KALRN: variants seen among roughly 807,000 people sequenced by gnomAD.
KALRN encodes the protein kalirin.
KALRN carries 70 observed loss-of-function variants against 353.7 expected under a neutral mutation model. That is an observed-to-expected ratio of 0.20 (90% confidence interval 0.16 to 0.24). The LOEUF (loss-of-function observed/expected upper bound fraction) is 0.24. Among genes scored for constraint, KALRN ranks in the 10% least tolerant of loss-of-function variants. KALRN has a pLI of 1.00. For missense variants in KALRN, 2,791 were observed against 3,756.7 expected (o/e 0.74, Z 6.72); for synonymous variants, 1,391 against 1,434.8 (o/e 0.97, Z 0.69).
intron 51 of KALRN, among the ~76,000 whole-genome samples, chr3:124,690,644 G>A (rs369024411): frequency 7.4e-4 from 113 of 152,288 alleles, no homozygotes; most frequent in Middle Eastern, 3.4e-3. Context: ...AAGAGCTCTC[G>A]GAGCCAGTCC....
chr3:124,410,357 G>A, intron 13 of KALRN: 1 of 471,038 alleles, frequency 2.1e-6, no homozygotes, highest in Non-Finnish European at 4.3e-6. Flanking sequence ...CATGCTTGTT[G>A]TCTTAGTTTT....
At chr3:124,658,308 G>T in intron 41 of KALRN, 123 bp from the exon 42 acceptor site, 1 of 754,076 alleles carries the variant, frequency 1.3e-6, no homozygotes. Flanking sequence ...ATATTCAGCT[G>T]CCTTGGTGCG....
intron 1 of KALRN, among the ~76,000 whole-genome samples, chr3:124,121,823 G>A (rs1327524258): frequency 6.6e-6 from 1 of 152,204 alleles, no homozygotes; most frequent in Non-Finnish European, 1.5e-5. Context: ...GGTGCAGAGT[G>A]ACTTAGTAGC....
chr3:124,154,140 A>G (rs924653802), intron 1 of KALRN, among the ~76,000 whole-genome samples: 3 of 152,084 alleles, frequency 2.0e-5, no homozygotes, highest in African/African-American at 7.2e-5. Context: ...CCCATTTGTC[A>G]ATTTTGGCTT....
At chr3:124,062,511 C>A (rs1277590684) in intron 1 of KALRN, among the ~76,000 whole-genome samples, 1 of 152,198 alleles carries the variant, frequency 6.6e-6, no homozygotes, top group Non-Finnish European at 1.5e-5. Context: ...GATTCCTGGG[C>A]CACAGCTTAG....
At chr3:124,592,412 G>A (rs2075885180) in intron 34 of KALRN, among the ~76,000 whole-genome samples, 1 of 151,266 alleles carries the variant, frequency 6.6e-6, no homozygotes, top group Non-Finnish European at 1.5e-5. Context: ...CTGGAGAATA[G>A]CAACCCGATT....
chr3:124,178,198 G>A (rs1250394782), intron 1 of KALRN, among the ~76,000 whole-genome samples: 1 of 152,140 alleles, frequency 6.6e-6, no homozygotes, highest in African/African-American at 2.4e-5. Flanking sequence ...CTTTTCTGCG[G>A]GTGATACTTT....
rs114406730 is a variant in KALRN at position 124,511,047 on chromosome 3, T to C, written c.4935+14634T>C. 6.6e-3 allele frequency among the ~76,000 whole-genome samples: 1,006 copies of C among 152,166 alleles called. 10 individuals carry two copies. Among genetic ancestry groups the C allele is most frequent in the African/African-American group, 0.023 (942 of 41,498 alleles). Reference sequence around the variant, plus strand: ...ACAGGCTGGTTTTCATATCTGGAAATGCCCACTGCTCTCCACATTAATCCA... The same window carrying C: ...ACAGGCTGGTTTTCATATCTGGAAACGCCCACTGCTCTCCACATTAATCCA... On this transcript the variant is annotated intron_variant, in intron 33 of 59. Coordinates refer to ENST00000682506, the MANE Select transcript of KALRN (RefSeq NM_001388419.1).
chr3:124,636,395 AACCATTG>A (rs2081353121), intron 36 of KALRN, among the ~76,000 whole-genome samples: 1 of 152,198 alleles, frequency 6.6e-6, no homozygotes, highest in African/African-American at 2.4e-5. Context: ...GGAAGCCCCA[AACCATTG>A]ACCACACAAA....
chr3:124,134,621 A>C (rs1436386559), intron 1 of KALRN, among the ~76,000 whole-genome samples: 1 of 152,238 alleles, frequency 6.6e-6, no homozygotes, highest in Non-Finnish European at 1.5e-5. Context: ...TTCACAATTT[A>C]TACATTTGAC....
intron 1 of KALRN, among the ~76,000 whole-genome samples, chr3:124,071,208 G>A (rs550666293): frequency 1.3e-4 from 20 of 152,240 alleles, no homozygotes; most frequent in Non-Finnish European, 2.8e-4. Flanking sequence ...ATGTTACCTG[G>A]TGGGTGACTT....
At chr3:124,685,348 A>G (rs1043144692) in intron 51 of KALRN, among the ~76,000 whole-genome samples, 1 of 152,022 alleles carries the variant, frequency 6.6e-6, no homozygotes, top group South Asian at 2.1e-4. Context: ...GATCGTCCAC[A>G]GCAGATTCAC....
Position 124,664,370 on chromosome 3 carries a change from T to TGTGTGCGCGC in KALRN, c.6346-2078_6346-2077insTGTGCGCGCG, listed in dbSNP as rs370394911. On this transcript the variant is annotated intron_variant, in intron 45 of 59. Transcript: ENST00000682506. ...GTGTGTGTGTGTGTGTGTGTGTGTGTGCGCGCGCGCGCATATAAGGGCACC... is the reference window on the plus strand; with the variant it reads ...GTGTGTGTGTGTGTGTGTGTGTGTGTGTGTGCGCGCGCGCGCGCGCGCATATAAGGGCACC... 2.5e-3 allele frequency among the ~76,000 whole-genome samples: 321 copies of TGTGTGCGCGC among 129,554 alleles called. 1 individual carries two copies. Among genetic ancestry groups the TGTGTGCGCGC allele is most frequent in the African/African-American group, 8.7e-3 (299 of 34,540 alleles). The allele number at this position is 129,554 out of a possible 152,430, so 85.0% of individuals were successfully genotyped here.
chr3:124,405,866 G>T (rs147290272), intron 13 of KALRN, among the ~76,000 whole-genome samples: 1 of 151,950 alleles, frequency 6.6e-6, no homozygotes, highest in Non-Finnish European at 1.5e-5. Context: ...GGATGGCCTC[G>T]ATCTCCTGAC....
At chr3:124,452,157 A>T (rs1188957868) in intron 21 of KALRN, among the ~76,000 whole-genome samples, 22 of 152,224 alleles carry the variant, frequency 1.4e-4, no homozygotes, top group Admixed American at 1.4e-3. Context: ...CCTATGTATA[A>T]GAAACCATTT....
chr3:124,277,519 A>C (rs1007522791), intron 5 of KALRN, among the ~76,000 whole-genome samples: 2 of 152,198 alleles, frequency 1.3e-5, no homozygotes, highest in African/African-American at 4.8e-5. Context: ...CATTAGAAAC[A>C]TTAGATTCCA....
intron 1 of KALRN, among the ~76,000 whole-genome samples, chr3:124,184,723 A>C (rs996551126): frequency 2.0e-5 from 3 of 152,244 alleles, no homozygotes; most frequent in Non-Finnish European, 4.4e-5. Flanking sequence ...GCAATAGACC[A>C]GAGATACCCA....
At position 124,719,485 on chromosome 3, in the gene KALRN, C is replaced by T; in HGVS notation, c.*15C>T. ...AAGGGACGTAGCCATCTCCCAGCCC[C>T]TATGGTTTCACATAGACGTGCAGTG... On this transcript the variant is annotated 3_prime_UTR_variant, in exon 60 of 60. Coordinates refer to ENST00000682506, the MANE Select transcript of KALRN (RefSeq NM_001388419.1). The surrounding 1 kb of genome is among the most constrained non-coding windows in gnomAD (Gnocchi z 5.3). 1.2e-6 allele frequency: 2 copies of T among 1,603,992 alleles called. No homozygotes were observed. Among genetic ancestry groups the T allele is most frequent in the Non-Finnish European group, 1.7e-6 (2 of 1,173,720 alleles).
At chr3:124,252,813 G>A (rs2071368454) in intron 3 of KALRN, among the ~76,000 whole-genome samples, 1 of 152,170 alleles carries the variant, frequency 6.6e-6, no homozygotes, top group South Asian at 2.1e-4. Context: ...GAGCGCATGA[G>A]CAGCACAGGG....
Sources: allele counts gnomAD v4.1 joint callset (sites outside exome capture counted in the v4.1 genomes callset), GRCh38; gene constraint gnomAD v4.1.1; non-coding constraint Gnocchi (gnomAD v3.1); transcripts MANE v1.5; gene names NCBI Gene and HGNC (gene_info 2026-07-23, HGNC 2026-07-21).